The following TMEM248 variants were observed in gnomAD, a reference collection of about 807,000 sequenced individuals.
TMEM248 encodes the protein UPF0458 protein C7orf42.
TMEM248 carries 9 observed loss-of-function variants against 30.3 expected under a neutral mutation model. That is an observed-to-expected ratio of 0.30 (90% CI 0.18 to 0.52). The LOEUF is 0.52. Ranked by LOEUF, TMEM248 falls within the 20% of genes least tolerant of loss-of-function variation. The pLI, the probability that TMEM248 is intolerant of heterozygous loss-of-function variation, is 0.97. For missense variants in TMEM248, 338 were observed against 403.3 expected (o/e 0.84, Z 1.39); for synonymous variants, 184 against 154.4 (o/e 1.19, Z -1.42).
intron 5 of TMEM248, chr7:66,951,346 C>G (rs980198256): frequency 2.4e-6 from 1 of 425,276 alleles, no homozygotes; most frequent in Non-Finnish European, 4.1e-6. Flanking sequence ...TCTGGTTTTT[C>G]TCTTCATTTT....
Position 66,954,452 on chromosome 7 carries a change from C to T in TMEM248, c.925-1050C>T, listed in dbSNP as rs543939226. On this transcript the variant is annotated intron_variant, in intron 6 of 6. Coordinates refer to ENST00000341567, the MANE Select transcript of TMEM248 (RefSeq NM_017994.5). ...CCAGGCTGGAGTAGAGTGGTGCGAT[C>T]GTAGCTCATGACTCAATCATAGTTC... is the stretch of plus-strand genomic sequence containing the variant. Among the ~76,000 whole-genome samples the T allele has an allele frequency of 4.6e-4, 65 of 141,222 alleles. No homozygotes were observed. The South Asian group carries it at 0.014, about 30-fold the overall frequency. 92.6% of individuals were successfully genotyped at this position (141,222 alleles called of 152,430 possible). A position where few individuals can be genotyped will look rare whatever the true frequency, so the allele number is the denominator to read the frequency against.
chr7:66,924,451 C>CTAGA (rs1791470355), intron 1 of TMEM248, among the ~76,000 whole-genome samples: 2 of 152,164 alleles, frequency 1.3e-5, no homozygotes, highest in South Asian at 4.1e-4. Context: ...GTCGTCCAGG[C>CTAGA]TAGAGTACAG....
At chr7:66,939,096 T>C (rs1791882214) in intron 1 of TMEM248, among the ~76,000 whole-genome samples, 1 of 152,204 alleles carries the variant, frequency 6.6e-6, no homozygotes, top group Admixed American at 6.5e-5. Flanking sequence ...ACATCTGTCT[T>C]TTTGGACCAT....
rs563919418 is a variant in TMEM248, at chr7:66,932,716, A to G, written c.-18-9132A>G. ...TTTTTAGTAGAGATGGGGTTTCACC[A>G]TGTTGCCCAAGCTAGTCTCGAACTC... On this transcript the variant is annotated intron_variant, in intron 1 of 6. Coordinates refer to ENST00000341567, the MANE Select transcript of TMEM248 (RefSeq NM_017994.5). 6.5e-4 allele frequency among the ~76,000 whole-genome samples: 98 copies of G among 151,230 alleles called. 1 individual carries two copies. The highest frequency in any genetic ancestry group is 2.2e-3 in the African/African-American group (93 of 41,422).
intron 1 of TMEM248, among the ~76,000 whole-genome samples, chr7:66,940,620 A>G (rs1042965457): frequency 6.6e-6 from 1 of 152,154 alleles, no homozygotes; most frequent in Non-Finnish European, 1.5e-5. Context: ...GCCAAAGCCC[A>G]GGAGGGAGGA....
intron 1 of TMEM248, among the ~76,000 whole-genome samples, chr7:66,927,829 A>C (rs572548155): frequency 7.9e-5 from 12 of 152,238 alleles, no homozygotes; most frequent in African/African-American, 2.9e-4. Flanking sequence ...CACATTAAGA[A>C]ACAAGACACT....
chr7:66,945,431 G>A (rs1019769926), intron 3 of TMEM248, among the ~76,000 whole-genome samples, 170 bp downstream of exon 3: 28 of 152,254 alleles, frequency 1.8e-4, no homozygotes, highest in African/African-American at 6.5e-4. Flanking sequence ...TCGTTACATG[G>A]TAAAGTACCT....
At chr7:66,946,360 T>C (rs1474676446) in intron 3 of TMEM248, among the ~76,000 whole-genome samples, 1 of 151,926 alleles carries the variant, frequency 6.6e-6, no homozygotes, top group African/African-American at 2.4e-5. Context: ...GGTGGATCAC[T>C]TGAGGTCAGG....
In TMEM248 at chr7:66,951,208, TTGG is replaced by T. The variant is rs1039938653; in HGVS notation, c.780+76_780+78del. ...CATGTGTGCGCATGTGCTGCAACCG[TTGG>T]TGTAGGCCCTGCTGACTTCCCTGGG... is the stretch of plus-strand genomic sequence containing the variant. On this transcript the variant is annotated intron_variant, in intron 5 of 6. Coordinates refer to ENST00000341567, the MANE Select transcript of TMEM248 (RefSeq NM_017994.5). 2.1e-6 allele frequency: 3 copies of T among 1,418,526 alleles called. No individual in the cohort carries two copies. The Admixed American group carries it at 7.9e-5, about 37-fold the overall frequency. 87.9% of individuals were successfully genotyped at this position (1,418,526 alleles called of 1,614,324 possible). A position where few individuals can be genotyped will look rare whatever the true frequency, so the allele number is the denominator to read the frequency against.
At chr7:66,952,848 A>G (rs1283343234) in intron 5 of TMEM248, among the ~76,000 whole-genome samples, 2 of 152,184 alleles carry the variant, frequency 1.3e-5, no homozygotes, top group Non-Finnish European at 2.9e-5. Flanking sequence ...CAGCCATGCA[A>G]CCTGAGGGCA....
chr7:66,952,605 G>A (rs1271180688), intron 5 of TMEM248, among the ~76,000 whole-genome samples: 1 of 152,210 alleles, frequency 6.6e-6, no homozygotes, highest in Non-Finnish European at 1.5e-5. Context: ...ATACTAGAGG[G>A]TAAAGGAATG....
chr7:66,924,482 G>T (rs1007038073), intron 1 of TMEM248, among the ~76,000 whole-genome samples: 1 of 152,142 alleles, frequency 6.6e-6, no homozygotes, highest in Non-Finnish European at 1.5e-5. Flanking sequence ...TCAGCTCACT[G>T]CAACCTCCGC....
At position 66,954,801 on chromosome 7, in the gene TMEM248, C is replaced by G. The variant is rs116730856; in HGVS notation, c.925-701C>G. ...CATTAGAAGTGTCTTTACTCTCAAC[C>G]TAAATTATGTTGTTGGATTTTTAAT... On this transcript the variant is annotated intron_variant, in intron 6 of 6. Coordinates refer to ENST00000341567, the MANE Select transcript of TMEM248 (RefSeq NM_017994.5). Among the ~76,000 whole-genome samples the G allele has an allele frequency of 6.8e-3, 1,037 of 152,230 alleles. 11 individuals carry two copies. Among genetic ancestry groups the G allele is most frequent in the African/African-American group, 0.023 (938 of 41,534 alleles).
At chr7:66,947,228 A>C (rs974881470) in intron 3 of TMEM248, among the ~76,000 whole-genome samples, 11 of 151,590 alleles carry the variant, frequency 7.3e-5, no homozygotes, top group South Asian at 2.1e-4. Flanking sequence ...AAAAAAAAAA[A>C]AAAAAAACAA....
At chr7:66,954,133 A>G (rs1792343591) in intron 6 of TMEM248, among the ~76,000 whole-genome samples, 2 of 149,126 alleles carry the variant, frequency 1.3e-5, no homozygotes, top group South Asian at 4.2e-4. Context: ...TAGTAGATAC[A>G]GGGTTTCACC....
intron 1 of TMEM248, 87 bp from the exon 2 acceptor site, chr7:66,941,761 C>A: frequency 8.2e-7 from 1 of 1,212,694 alleles, no homozygotes; most frequent in Non-Finnish European, 1.1e-6. Context: ...ACCCAGCTCA[C>A]CCCCCAACAC....
rs1792177832 is a variant in TMEM248, at chr7:66,948,596, G to C, written c.498G>C (p.Trp166Cys). The C allele has an allele frequency of 6.2e-7, 1 of 1,614,124 alleles. No individual in the cohort carries two copies. The highest frequency in any genetic ancestry group is 1.1e-5 in the South Asian group (1 of 91,064). ...TCACCTTCACCCTGCCTACAGCGTG[G>C]AGCTCAGATGACTGCGCCCTCCACG... The part of the protein sequence containing the change: ...INITFTLPTA[W>C]SSDDCALHGH... Residue 166 changes from tryptophan to cysteine, a missense_variant, in exon 4 of 7, where the codon TGG (tryptophan) becomes TGC (cysteine). Transcript: ENST00000341567.
intron 4 of TMEM248, 26 bp downstream of exon 4, chr7:66,948,720 C>T (rs756683831): frequency 3.2e-5 from 51 of 1,585,824 alleles, no homozygotes; most frequent in South Asian, 5.6e-5. Flanking sequence ...ACCTGATGAA[C>T]GTGCGTAACA....
intron 2 of TMEM248, among the ~76,000 whole-genome samples, chr7:66,942,930 C>G (rs1792003005): frequency 6.6e-6 from 1 of 151,010 alleles, no homozygotes; most frequent in East Asian, 1.9e-4. Context: ...GTGTGCCTTG[C>G]AATGGAGAGG....
Sources: allele counts gnomAD v4.1 joint callset (sites outside exome capture counted in the v4.1 genomes callset), GRCh38; gene constraint gnomAD v4.1.1; transcripts MANE v1.5; gene names NCBI Gene and HGNC (gene_info 2026-07-23, HGNC 2026-07-21).